CCPG1: variants seen among roughly 807,000 people sequenced by gnomAD.
The protein encoded by CCPG1 is cell cycle progression protein 1.
In CCPG1, 46 loss-of-function variants were observed where a neutral mutation model predicts 81.3. The observed-to-expected ratio is 0.57, with a 90% CI of 0.45 to 0.72. CCPG1 has a LOEUF of 0.72. Ranked by LOEUF, CCPG1 falls within the 30% of genes least tolerant of loss-of-function variation. CCPG1 has a pLI of 0.00. For missense variants in CCPG1, 902 were observed against 937.6 expected, an observed-to-expected ratio of 0.96 and a Z score of 0.50; for synonymous variants, 330 against 305.2, an observed-to-expected ratio of 1.08 and a Z score of -0.85.
chr15:55,379,184 G>C, intron 3 of CCPG1, among the ~76,000 whole-genome samples: 1 of 147,168 alleles, frequency 6.8e-6, no homozygotes, highest in East Asian at 1.9e-4. Flanking sequence ...GTGTGTGTGT[G>C]TGTGTGTGTC....
chr15:55,359,560 A>G lies in CCPG1; in HGVS notation c.2213T>C (p.Phe738Ser), dbSNP rs2056148527. 1.2e-6 allele frequency: 2 copies of G among 1,609,586 alleles called. No homozygotes were observed. Among genetic ancestry groups the G allele is most frequent in the African/African-American group, 1.3e-5 (1 of 74,668 alleles). The stretch of plus-strand genomic sequence containing the variant: ...CGACCTGGGTCCATATGGAGGGGAA[A>G]AAGTGTGACCAAAGAAGTGTCTATA... ...YIYRHFFGHT[F>S]SPPYGPSRPD... Residue 738 changes from phenylalanine (F) to serine (S), a missense_variant, in exon 8 of 9, where the codon TTT (phenylalanine) becomes TCT (serine). By Grantham distance (155) the Phe-to-Ser change is radical (BLOSUM62 -2). Around this residue, in one of 3 missense-constraint regions of CCPG1, gnomAD observed 128 missense variants for 161.2 expected, o/e 0.79. Transcript: ENST00000442196.
intron 5 of CCPG1, among the ~76,000 whole-genome samples, chr15:55,375,121 A>G (rs1433477909): frequency 6.6e-6 from 1 of 152,256 alleles, no homozygotes; most frequent in Non-Finnish European, 1.5e-5. Flanking sequence ...AGTCCACAAA[A>G]ATCTCAAGAA....
At chr15:55,387,255 C>A (rs936333566) in intron 2 of CCPG1, among the ~76,000 whole-genome samples, 1 of 152,192 alleles carries the variant, frequency 6.6e-6, no homozygotes, top group African/African-American at 2.4e-5. Flanking sequence ...CATACTCCAC[C>A]CTGCAGACTA....
chr15:55,374,334 T>G (rs2056515519), intron 5 of CCPG1: 1 of 665,824 alleles, frequency 1.5e-6, no homozygotes, highest in African/African-American at 1.9e-5. Context: ...AAATACTTAA[T>G]TATCACTTAA....
chr15:55,393,850 C>A (rs185447345), intron 1 of CCPG1, among the ~76,000 whole-genome samples: 1 of 152,168 alleles, frequency 6.6e-6, no homozygotes, highest in East Asian at 1.9e-4. Flanking sequence ...ATAGGGTATA[C>A]ACCAAGTAAC....
At chr15:55,389,959 C>A (rs1440991898) in intron 1 of CCPG1, among the ~76,000 whole-genome samples, 2 of 152,242 alleles carry the variant, frequency 1.3e-5, no homozygotes, top group Non-Finnish European at 2.9e-5. Flanking sequence ...GAGTCTCGAG[C>A]TGTCGACCGG....
intron 1 of CCPG1, among the ~76,000 whole-genome samples, chr15:55,404,701 G>A (rs938429488): frequency 5.3e-5 from 8 of 152,178 alleles, no homozygotes; most frequent in African/African-American, 1.9e-4. Flanking sequence ...GGAGGCTAAG[G>A]CAGGAAAATC....
chr15:55,379,959 G>T (rs2056646534), intron 3 of CCPG1, among the ~76,000 whole-genome samples: 1 of 151,882 alleles, frequency 6.6e-6, no homozygotes, highest in African/African-American at 2.4e-5. Flanking sequence ...AATTAGCCAG[G>T]TGTGGTGGTG....
chr15:55,377,142 T>C lies in CCPG1; in HGVS notation c.261A>G (p.Glu87=), dbSNP rs2056583284. 1 of 1,609,568 alleles carries C rather than the reference T, an allele frequency of 6.2e-7. No homozygotes were observed. The change falls in exon 5 of 9, where the codon GAA becomes GAG. Residue 87 remains glutamate (E), a synonymous_variant. Coordinates refer to ENST00000442196, the MANE Select transcript of CCPG1 (RefSeq NM_001204450.2). The part of the protein sequence containing the change: ...EETSSTIEAE[E]QKIPEDSIYI... ...AGATACTGTCTTCGGGTATCTTTTG[T>C]TCCTCTGCCTGAAGAATCATAATTT...
intron 8 of CCPG1, chr15:55,357,230 A>T: frequency 1.2e-6 from 1 of 861,414 alleles, no homozygotes; most frequent in Non-Finnish European, 1.3e-6. Context: ...CAGTGGTACT[A>T]CTATCCAACA....
chr15:55,387,377 A>G (rs1455352196), intron 2 of CCPG1, among the ~76,000 whole-genome samples: 1 of 152,150 alleles, frequency 6.6e-6, no homozygotes, highest in Admixed American at 6.5e-5. Context: ...AAAAATAGAA[A>G]AGTCACTGAA....
intron 2 of CCPG1, among the ~76,000 whole-genome samples, chr15:55,388,507 G>A (rs559078299): frequency 2.0e-5 from 3 of 152,238 alleles, no homozygotes; most frequent in African/African-American, 7.2e-5. Context: ...CTATTTTCTA[G>A]CTGCATAATC....
At chr15:55,385,034 T>G (rs2056772182) in intron 3 of CCPG1, among the ~76,000 whole-genome samples, 1 of 152,198 alleles carries the variant, frequency 6.6e-6, no homozygotes. Flanking sequence ...ACACTTTTTT[T>G]GTCACTGGTT....
At chr15:55,400,542 G>T (rs1251361713) in intron 1 of CCPG1, among the ~76,000 whole-genome samples, 1 of 149,432 alleles carries the variant, frequency 6.7e-6, no homozygotes, top group African/African-American at 2.5e-5. Flanking sequence ...ACACTCCAGT[G>T]AAACTCCATC....
intron 3 of CCPG1, among the ~76,000 whole-genome samples, chr15:55,379,601 G>C (rs1446824859): frequency 6.6e-6 from 1 of 152,124 alleles, no homozygotes; most frequent in African/African-American, 2.4e-5. Flanking sequence ...GTAGGCCAAT[G>C]TGTGAGAATC....
chr15:55,358,759 T>C, intron 8 of CCPG1: 1 of 985,336 alleles, frequency 1.0e-6, no homozygotes, highest in Non-Finnish European at 1.2e-6. Context: ...TTTTCACTTG[T>C]CTCCTCAAGG....
At chr15:55,401,436 G>A (rs2057126505) in intron 1 of CCPG1, among the ~76,000 whole-genome samples, 1 of 152,140 alleles carries the variant, frequency 6.6e-6, no homozygotes, top group South Asian at 2.1e-4. Context: ...GGAGGCCGAG[G>A]CGGGTGAATC....
intron 2 of CCPG1, among the ~76,000 whole-genome samples, chr15:55,387,917 C>T (rs897878933): frequency 2.7e-5 from 4 of 148,480 alleles, no homozygotes; most frequent in Non-Finnish European, 4.5e-5. Context: ...TTTGGGAGGC[C>T]GAGGCGGGCG....
chr15:55,364,880 TAAAC>T lies in CCPG1; in HGVS notation c.828+304_828+307del, dbSNP rs530835737. ...AGAGCGAGACTCCATCTCAAATAAA[TAAAC>T]AAACAAACAAAAACAAACTAGCTCT... On this transcript the variant is annotated intron_variant, in intron 7 of 8. Coordinates refer to ENST00000442196, the MANE Select transcript of CCPG1 (RefSeq NM_001204450.2). Among the ~76,000 whole-genome samples the T allele has an allele frequency of 1.5e-4, 23 of 152,100 alleles. No individual in the cohort carries two copies. In the South Asian group the frequency reaches 1.7e-3, roughly 11 times the overall value.
Sources: gnomAD v4.1 joint callset for allele counts (sites outside exome capture counted in the v4.1 genomes callset) on GRCh38, gnomAD v4.1.1 for gene constraint, gnomAD v4.1.1 regional missense constraint, MANE v1.5 for transcripts, NCBI Gene and HGNC (gene_info 2026-07-23, HGNC 2026-07-21) for gene names.